The following LSG1 variants were observed in gnomAD, a reference collection of about 807,000 sequenced individuals.
LSG1 encodes large 60S subunit nuclear export GTPase 1, also known as large subunit GTPase 1 homolog.
Under a neutral mutation model 82.6 loss-of-function variants are expected in LSG1, and 55 were observed. That is an observed-to-expected ratio of 0.67 (90% CI 0.54 to 0.83). The LOEUF (loss-of-function observed/expected upper bound fraction) is 0.83, where lower values mean the gene tolerates loss of function less well. Ranked by LOEUF, LSG1 falls within the 40% of genes least tolerant of loss-of-function variation. The pLI is 0.00. For synonymous variants in LSG1, 272 were observed against 282.5 expected, an observed-to-expected ratio of 0.96 and a Z score of 0.37; for missense variants, 809 against 807.9, an observed-to-expected ratio of 1.00 and a Z score of -0.02.
Position 194,648,780 on chromosome 3 carries a change from C to A in LSG1, c.1444G>T (p.Val482Phe). 6.2e-7 allele frequency: 1 copy of A among 1,614,030 alleles called. No homozygotes were observed. The highest frequency in any genetic ancestry group is 8.5e-7 in the Non-Finnish European group (1 of 1,179,968). The change falls in exon 11 of 14, where the codon GTT (valine) becomes TTT (phenylalanine). Residue 482 changes from valine to phenylalanine, a missense_variant. Transcript: ENST00000265245. ...TTAATGCCATAGGTAGCTTCTAAAA[C>A]ATGTCTTGGAATATTCTGGCAAACG... ...SLVCQNIPRH[V>F]LEATYGINII...
intron 13 of LSG1, among the ~76,000 whole-genome samples, chr3:194,642,818 G>C (rs551603249): frequency 3.8e-4 from 58 of 152,240 alleles, no homozygotes; most frequent in African/African-American, 1.2e-3. Context: ...TTTGCATGTT[G>C]GTAAATTTTC....
intron 11 of LSG1, 70 bp from the exon 12 acceptor site, chr3:194,646,313 G>T: frequency 8.7e-7 from 1 of 1,152,528 alleles, no homozygotes; most frequent in Non-Finnish European, 1.3e-6. Context: ...CTGAGGTGAT[G>T]TAGCTTCTAT....
intron 11 of LSG1, among the ~76,000 whole-genome samples, chr3:194,647,835 G>A (rs1362119208): frequency 1.3e-5 from 2 of 152,170 alleles, no homozygotes; most frequent in African/African-American, 2.4e-5. Context: ...GCTAGGAGGT[G>A]AGGTGATCTT....
intron 6 of LSG1, 31 bp from the exon 7 acceptor site, chr3:194,659,164 T>G: frequency 6.6e-7 from 1 of 1,522,650 alleles, no homozygotes; most frequent in South Asian, 1.2e-5. Flanking sequence ...TAGAAAGACC[T>G]CTTCAAACAA....
At chr3:194,654,666 A>G (rs6437399) in intron 7 of LSG1, among the ~76,000 whole-genome samples, 93,508 of 152,014 alleles carry the variant, frequency 0.62, 30,324 homozygotes, top group East Asian at 0.87. Flanking sequence ...GTAGCATAAA[A>G]ACAAGAATGT....
chr3:194,662,326 G>A (rs894744538), intron 5 of LSG1, among the ~76,000 whole-genome samples: 3 of 152,232 alleles, frequency 2.0e-5, no homozygotes, highest in African/African-American at 7.2e-5. Flanking sequence ...CTCAGGCACA[G>A]GGAAAATGGG....
chr3:194,666,324 A>G (rs765714297), intron 3 of LSG1, 35 bp from the exon 4 acceptor site: 29 of 1,607,618 alleles, frequency 1.8e-5, no homozygotes, highest in African/African-American at 2.7e-5. Context: ...AATTCCTCAT[A>G]TAAGTAACCA....
intron 8 of LSG1, 127 bp downstream of exon 8, chr3:194,652,602 G>T: frequency 1.0e-6 from 1 of 995,444 alleles, no homozygotes; most frequent in Non-Finnish European, 1.5e-6. Context: ...GATGCCAGTG[G>T]GCAACAAGAG....
At chr3:194,666,955 C>T (rs994143481) in intron 2 of LSG1, among the ~76,000 whole-genome samples, 1 of 152,112 alleles carries the variant, frequency 6.6e-6, no homozygotes, top group Admixed American at 6.6e-5. Context: ...GAGGATAGGG[C>T]CAGGAATCTG....
rs755715376 is a variant in LSG1, at chr3:194,652,943, G to A, written c.959C>T (p.Thr320Met). ...CPEEEEDDWQTCSEEDGPKEE... is the reference protein window; with the variant it reads ...CPEEEEDDWQMCSEEDGPKEE... ...CTTGGGACCGTCTTCTTCTGAGCAC[G>A]TCTGCCAGTCGTCTTCCTCCTCCTC... The change falls in exon 8 of 14, where the codon ACG (threonine) becomes ATG (methionine). Residue 320 changes from threonine to methionine, a missense_variant. Transcript: ENST00000265245. The A allele has an allele frequency of 8.1e-6, 13 of 1,613,968 alleles. No homozygotes were observed. The highest frequency in any genetic ancestry group is 6.7e-5 in the East Asian group (3 of 44,860).
chr3:194,666,623 A>G (rs1719036341), intron 2 of LSG1, 51 bp from the exon 3 acceptor site: 2 of 1,517,374 alleles, frequency 1.3e-6, no homozygotes, highest in Non-Finnish European at 1.8e-6. Context: ...ATAGATACAG[A>G]GTGTTTGGTC....
intron 7 of LSG1, among the ~76,000 whole-genome samples, chr3:194,653,799 C>T (rs759376250): frequency 1.3e-4 from 20 of 152,096 alleles, no homozygotes; most frequent in Non-Finnish European, 1.9e-4. Flanking sequence ...GCTTGGGTGG[C>T]GGAGGTGGGA....
At chr3:194,664,970 G>A (rs1036277822) in intron 5 of LSG1, among the ~76,000 whole-genome samples, 1 of 151,946 alleles carries the variant, frequency 6.6e-6, no homozygotes, top group African/African-American at 2.4e-5. Context: ...AAACCACCCC[G>A]TGATTTCCTC....
rs767323359 is a variant in LSG1, at chr3:194,666,514, C to T, written c.285G>A (p.Glu95=). The change falls in exon 3 of 14, where the codon GAG becomes GAA. Residue 95 remains glutamate (E), a synonymous_variant. Coordinates refer to ENST00000265245, the MANE Select transcript of LSG1 (RefSeq NM_018385.3). ...AEARTGLLSF[E]ESQRIKKLHE... is the part of the protein sequence containing the mutation. ...GGAGCTTCTTAATTCTCTGGCTCTCCTCGAAAGACAGTAGTCCAGTTCTAG... is the reference window on the plus strand; with the variant it reads ...GGAGCTTCTTAATTCTCTGGCTCTCTTCGAAAGACAGTAGTCCAGTTCTAG... The T allele has an allele frequency of 1.9e-6, 3 of 1,613,748 alleles. No individual in the cohort carries two copies. The South Asian group carries it at 3.3e-5, about 18-fold the overall frequency.
At chr3:194,642,367 G>GC (rs1406595814) in intron 13 of LSG1, 120 bp from the exon 14 acceptor site, 30 of 707,812 alleles carry the variant, frequency 4.2e-5, no homozygotes, top group Non-Finnish European at 5.6e-5. Flanking sequence ...GTGAACTTCC[G>GC]CCCCCCTCCC....
In LSG1 at chr3:194,646,177, T is replaced by G; in HGVS notation, c.1610A>C (p.Lys537Thr). 1 of 1,614,076 alleles carries G rather than the reference T, an allele frequency of 6.2e-7. No individual in the cohort carries two copies. The highest frequency in any genetic ancestry group is 8.5e-7 in the Non-Finnish European group (1 of 1,179,918). ...GGGTTCACTTACACTGACATAGTCC[T>G]TCAGGATGTAGCGCGCAGATCGAGG... ...DQPRSARYIL[K>T]DYVSGKLLYC... The change falls in exon 12 of 14, where the codon AAG becomes ACG. Residue 537 changes from lysine to threonine, a missense_variant. Physicochemically the swap from Lys to Thr is moderately conservative, Grantham distance 78. Transcript: ENST00000265245.
Position 194,656,888 on chromosome 3 carries a change from T to A in LSG1, c.759+2069A>T, listed in dbSNP as rs545221412. 2.5e-3 allele frequency among the ~76,000 whole-genome samples: 381 copies of A among 152,100 alleles called. 1 individual carries two copies. The highest frequency in any genetic ancestry group is 8.6e-3 in the African/African-American group (355 of 41,486). ...CTGGAAACCATCATTCTCAGCAAAC[T>A]ATTGCAAGGACAAAAAACCAAACAC... is the stretch of plus-strand genomic sequence containing the variant. On this transcript the variant is annotated intron_variant, in intron 7 of 13. Coordinates refer to ENST00000265245, the MANE Select transcript of LSG1 (RefSeq NM_018385.3).
intron 10 of LSG1, among the ~76,000 whole-genome samples, chr3:194,649,409 C>A (rs965734916): frequency 1.3e-5 from 2 of 151,762 alleles, no homozygotes; most frequent in African/African-American, 2.4e-5. Flanking sequence ...AAAGGCCAGG[C>A]GTGGTGGCTC....
chr3:194,665,983 C>T (rs961783791), intron 4 of LSG1, among the ~76,000 whole-genome samples: 1 of 152,328 alleles, frequency 6.6e-6, no homozygotes, highest in East Asian at 1.9e-4. Flanking sequence ...AGGAAAAGGC[C>T]CGGAACTGAG....
Sources: allele counts gnomAD v4.1 joint callset (sites outside exome capture counted in the v4.1 genomes callset), GRCh38; gene constraint gnomAD v4.1.1; transcripts MANE v1.5; gene names NCBI Gene and HGNC (gene_info 2026-07-23, HGNC 2026-07-21).